The following GRIK2 variants were observed in gnomAD, a reference collection of about 807,000 sequenced individuals.
GRIK2 encodes glutamate ionotropic receptor kainate type subunit 2.
In GRIK2, 32 loss-of-function variants were observed where a neutral mutation model predicts 100.3. That is an observed-to-expected ratio of 0.32 (90% CI 0.24 to 0.43). The LOEUF (loss-of-function observed/expected upper bound fraction) is 0.43. Among genes scored for constraint, GRIK2 ranks in the 20% least tolerant of loss-of-function variants. The pLI, the probability that GRIK2 is intolerant of heterozygous loss-of-function variation, is 1.00. For missense variants in GRIK2, 843 were observed against 1,114.9 expected (o/e 0.76, Z 3.47); for synonymous variants, 417 against 389.4 (o/e 1.07, Z -0.83).
rs1782825631 is a variant in GRIK2 at position 101,833,318 on chromosome 6, G to A, written c.1317+14835G>A. Reference sequence around the variant, plus strand: ...ATGATCTCAGCTCACTGCAACCTTCGCCTCCCAGGTTCAAGCAATTCCCTG... The same window carrying A: ...ATGATCTCAGCTCACTGCAACCTTCACCTCCCAGGTTCAAGCAATTCCCTG... On this transcript the variant is annotated intron_variant, in intron 10 of 16. Coordinates refer to ENST00000369134, the MANE Select transcript of GRIK2 (RefSeq NM_021956.5). Among the ~76,000 whole-genome samples, 4 of 151,980 alleles carry A rather than the reference G, an allele frequency of 2.6e-5. No homozygotes were observed. In the South Asian group the frequency reaches 6.2e-4, roughly 24 times the overall value.
At chr6:101,932,395 C>T (rs971079879) in intron 14 of GRIK2, among the ~76,000 whole-genome samples, 1 of 151,914 alleles carries the variant, frequency 6.6e-6, no homozygotes, top group Non-Finnish European at 1.5e-5. Flanking sequence ...CTTTACATCT[C>T]TTTCTCTAAT....
At chr6:101,884,201 C>T (rs1786459219) in intron 11 of GRIK2, among the ~76,000 whole-genome samples, 2 of 152,036 alleles carry the variant, frequency 1.3e-5, no homozygotes, top group Non-Finnish European at 2.9e-5. Context: ...TTACATGTGA[C>T]ATTATATTGA....
At chr6:101,608,690 G>A (rs957413910) in intron 2 of GRIK2, among the ~76,000 whole-genome samples, 10 of 151,748 alleles carry the variant, frequency 6.6e-5, no homozygotes, top group African/African-American at 2.2e-4. Context: ...TAGAACAAAT[G>A]CTTTAAAACC....
intron 2 of GRIK2, among the ~76,000 whole-genome samples, chr6:101,557,424 C>A (rs1255256564): frequency 6.6e-6 from 1 of 152,128 alleles, no homozygotes; most frequent in Non-Finnish European, 1.5e-5. Flanking sequence ...TCTCTATTAA[C>A]TGAGATGTTT....
chr6:101,790,992 C>T (rs1779810677), intron 7 of GRIK2, among the ~76,000 whole-genome samples: 3 of 152,086 alleles, frequency 2.0e-5, no homozygotes, highest in East Asian at 1.9e-4. Context: ...AGTTTATTTG[C>T]ATAGAGGTGT....
intron 2 of GRIK2, among the ~76,000 whole-genome samples, chr6:101,568,446 A>G (rs1777382610): frequency 1.3e-5 from 2 of 152,070 alleles, no homozygotes; most frequent in African/African-American, 4.8e-5. Flanking sequence ...ACTGATTATA[A>G]TATAAATCCT....
chr6:101,928,752 A>G, intron 14 of GRIK2, 120 bp downstream of exon 14: 1 of 640,954 alleles, frequency 1.6e-6, no homozygotes, highest in Non-Finnish European at 2.8e-6. Flanking sequence ...TAATAATAGC[A>G]TATACCTCAA....
chr6:101,835,396 C>G (rs1783001679), intron 10 of GRIK2, among the ~76,000 whole-genome samples: 1 of 151,166 alleles, frequency 6.6e-6, no homozygotes, highest in Admixed American at 6.6e-5. Flanking sequence ...TTCCTTCATC[C>G]TCCAAAATTC....
intron 14 of GRIK2, among the ~76,000 whole-genome samples, chr6:101,983,952 G>A (rs970637087): frequency 1.3e-5 from 2 of 151,572 alleles, no homozygotes; most frequent in South Asian, 2.1e-4. Flanking sequence ...TAGCAAGGTA[G>A]GAAAATAGAT....
intron 14 of GRIK2, among the ~76,000 whole-genome samples, chr6:101,968,947 A>G (rs943512257): frequency 1.3e-5 from 2 of 152,026 alleles, no homozygotes; most frequent in African/African-American, 4.8e-5. Context: ...AATAGTTTTA[A>G]TTGTAACTCA....
At chr6:101,670,759 T>A (rs1770373166) in intron 4 of GRIK2, among the ~76,000 whole-genome samples, 1 of 152,220 alleles carries the variant, frequency 6.6e-6, no homozygotes, top group South Asian at 2.1e-4. Context: ...AGTACATTTT[T>A]AATACAATAT....
At chr6:101,826,850 A>G (rs1782368659) in intron 10 of GRIK2, among the ~76,000 whole-genome samples, 1 of 152,012 alleles carries the variant, frequency 6.6e-6, no homozygotes, top group Admixed American at 6.6e-5. Context: ...TCCTCCCTTA[A>G]GATATATTAC....
At chr6:101,622,171 T>C in intron 3 of GRIK2, 55 bp downstream of exon 3, 1 of 1,053,410 alleles carries the variant, frequency 9.5e-7, no homozygotes. Context: ...TTCTAGGTAT[T>C]CTTAAGAGAT....
Position 101,719,137 on chromosome 6 carries a change from GGTTTTTTTTTTTTTTTTTTTT to G in GRIK2, c.951+32785_951+32805del, listed in dbSNP as rs1774275597. Among the ~76,000 whole-genome samples, 7 of 104,868 alleles carry G rather than the reference GGTTTTTTTTTTTTTTTTTTTT, an allele frequency of 6.7e-5. No homozygotes were observed. The South Asian group carries it at 1.9e-3, about 29-fold the overall frequency. The allele number at this position is 104,868 out of a possible 152,430, so 68.8% of individuals were successfully genotyped here. ...TCTGAAATGTGCAACAGGCTGCAAG[GGTTTTTTTTTTTTTTTTTTTT>G]TTTTTTTTTTTTTTTTTTGATGAAT... On this transcript the variant is annotated intron_variant, in intron 7 of 16. Coordinates refer to ENST00000369134, the MANE Select transcript of GRIK2 (RefSeq NM_021956.5).
chr6:101,476,262 T>G (rs887330101), intron 2 of GRIK2, among the ~76,000 whole-genome samples: 1 of 152,124 alleles, frequency 6.6e-6, no homozygotes, highest in Admixed American at 6.6e-5. Context: ...TGTATTGTCT[T>G]CACACATCTT....
intron 7 of GRIK2, among the ~76,000 whole-genome samples, chr6:101,742,353 T>C (rs1443309696): frequency 2.6e-5 from 4 of 152,018 alleles, no homozygotes; most frequent in African/African-American, 9.7e-5. Flanking sequence ...GGATAAAGAA[T>C]CAGGGTGGAC....
chr6:101,724,894 A>G (rs565071092), intron 7 of GRIK2, among the ~76,000 whole-genome samples: 6 of 152,094 alleles, frequency 3.9e-5, no homozygotes, highest in Middle Eastern at 3.4e-3. Context: ...CACTCTGTTT[A>G]ACATTTCCTT....
At chr6:101,721,353 G>A (rs1479775212) in intron 7 of GRIK2, among the ~76,000 whole-genome samples, 10 of 151,940 alleles carry the variant, frequency 6.6e-5, no homozygotes, top group Non-Finnish European at 1.2e-4. Flanking sequence ...CCAGGAGTTC[G>A]AAACCAGACT....
chr6:101,701,611 A>C (rs191341106), intron 7 of GRIK2, among the ~76,000 whole-genome samples: 60 of 152,234 alleles, frequency 3.9e-4, no homozygotes, highest in African/African-American at 1.4e-3. Context: ...CTAGCCCCTA[A>C]GGCAGGTGCA....
Sources: gnomAD v4.1 joint callset for allele counts (sites outside exome capture counted in the v4.1 genomes callset) on GRCh38, gnomAD v4.1.1 for gene constraint, MANE v1.5 for transcripts, NCBI Gene and HGNC (gene_info 2026-07-23, HGNC 2026-07-21) for gene names.